CXADR: variants seen among roughly 807,000 people sequenced by gnomAD.
CXADR encodes CXADR cell adhesion molecule.
In CXADR, 20 loss-of-function variants were observed where a neutral mutation model predicts 40.3. That is an observed-to-expected ratio of 0.50 (90% CI 0.35 to 0.72). The LOEUF is 0.72. Ranked by LOEUF, CXADR falls within the 30% of genes least tolerant of loss-of-function variation. The pLI is 0.01. For synonymous variants in CXADR, 150 were observed against 161.3 expected, an observed-to-expected ratio of 0.93 and a Z score of 0.53; for missense variants, 332 against 449.1, an observed-to-expected ratio of 0.74 and a Z score of 2.36.
the CXADR span, among the ~76,000 whole-genome samples, chr21:17,599,649 T>TG: frequency 6.6e-6 from 1 of 152,012 alleles, no homozygotes; most frequent in Non-Finnish European, 1.5e-5. Context: ...CCAGCTAATT[T>TG]TTGTATTTTT....
chr21:17,593,266 GT>G, exon 8 of CXADR: 1 of 1,274,066 alleles, frequency 7.8e-7, no homozygotes. Flanking sequence ...AGACTTAAAT[GT>G]TTTTTAAAAA....
intron 1 of CXADR, chr21:17,518,540 A>G: frequency 2.0e-6 from 2 of 1,003,892 alleles, no homozygotes; most frequent in Non-Finnish European, 3.2e-6. Context: ...TCATTCTTTG[A>G]TGCCTCATCA....
At chr21:17,624,052 G>A in the CXADR span, among the ~76,000 whole-genome samples, 2 of 152,018 alleles carry the variant, frequency 1.3e-5, no homozygotes, top group Non-Finnish European at 2.9e-5. Context: ...ATCGTGTCAT[G>A]CCTCTGCCCC....
At chr21:17,582,243 C>T (rs1464800268) in intron 7 of CXADR, among the ~76,000 whole-genome samples, 3 of 152,268 alleles carry the variant, frequency 2.0e-5, no homozygotes, top group Admixed American at 2.0e-4. Context: ...AACTGCTAAC[C>T]GCAGGTGATG....
Position 17,513,094 on chromosome 21 carries a change from C to T in CXADR, c.-36C>T. On this transcript the variant is annotated 5_prime_UTR_variant, in exon 1 of 7. Coordinates refer to ENST00000284878, the MANE Select transcript of CXADR (RefSeq NM_001338.5). ...GCCTGGGACCAGGAGCGAGAGCCGC[C>T]TACCTGCAGCCGCCGCCCACGGCAC... 1 of 1,340,978 alleles carries T rather than the reference C, an allele frequency of 7.5e-7. No individual in the cohort carries two copies. The highest frequency in any genetic ancestry group is 9.6e-7 in the Non-Finnish European group (1 of 1,043,830). The allele number at this position is 1,340,978 out of a possible 1,614,324, so 83.1% of individuals were successfully genotyped here. A position where few individuals can be genotyped will look rare whatever the true frequency, so the allele number is the denominator to read the frequency against.
the CXADR span, chr21:17,608,679 T>G: frequency 3.3e-6 from 1 of 304,250 alleles, no homozygotes; most frequent in Non-Finnish European, 5.9e-6. Flanking sequence ...TGAAAATCCC[T>G]AAGTATTTGT....
rs538644141 is a variant in CXADR, at chr21:17,591,811, TTAA to T, written c.1018-1340_1018-1338del. On this transcript the variant is annotated intron_variant, in intron 7 of 7. Transcript: ENST00000400169. ...TTGGAGTTGTCTAAGGGAGACAAAC[TTAA>T]GAGAACAAAGCACCTAGAGTCATAA... Among the ~76,000 whole-genome samples, 1,313 of 152,002 alleles carry T rather than the reference TTAA, an allele frequency of 8.6e-3. 11 individuals are homozygous for T. Among genetic ancestry groups the T allele is most frequent in the Non-Finnish European group, 0.011 (736 of 67,880 alleles).
Position 17,568,264 on chromosome 21 carries a change from G to A in CXADR, c.*2572G>A. The A allele has an allele frequency of 6.1e-6, 5 of 823,746 alleles. No homozygotes were observed. Among genetic ancestry groups the A allele is most frequent in the Non-Finnish European group, 5.9e-6 (4 of 683,230 alleles). 51.0% of individuals were successfully genotyped at this position (823,746 alleles called of 1,614,324 possible). A position where few individuals can be genotyped will look rare whatever the true frequency, so the allele number is the denominator to read the frequency against. ...CTGCCTCAGCCTCCCGAGCAGCTGGGACTACAGGCTCCCATCACCACGCTC... is the reference window on the plus strand; with the variant it reads ...CTGCCTCAGCCTCCCGAGCAGCTGGAACTACAGGCTCCCATCACCACGCTC... On this transcript the variant is annotated 3_prime_UTR_variant, in exon 7 of 7. Transcript: ENST00000284878.
intron 1 of CXADR, among the ~76,000 whole-genome samples, chr21:17,542,783 T>C (rs570663468): frequency 6.6e-6 from 1 of 152,382 alleles, no homozygotes; most frequent in South Asian, 2.1e-4. Context: ...TGTTTCAACC[T>C]GCAAGTAGTT....
chr21:17,579,731 G>C (rs150008864), intron 7 of CXADR, among the ~76,000 whole-genome samples: 3 of 152,192 alleles, frequency 2.0e-5, no homozygotes, highest in African/African-American at 7.2e-5. Flanking sequence ...AACACAGAAA[G>C]CAGTCCTTGA....
rs572242379 is a variant in CXADR at position 17,518,230 on chromosome 21, A to G, written c.43+5058A>G. ...ACTGTATACACACATACCCACACACATACATAAGCAAACATACACCAAAAA... is the reference window on the plus strand; with the variant it reads ...ACTGTATACACACATACCCACACACGTACATAAGCAAACATACACCAAAAA... On this transcript the variant is annotated intron_variant, in intron 1 of 6. Transcript: ENST00000284878. Among the ~76,000 whole-genome samples, 27 of 152,286 alleles carry G rather than the reference A, an allele frequency of 1.8e-4. No individual in the cohort carries two copies. The East Asian group carries it at 4.6e-3, about 26-fold the overall frequency.
At chr21:17,553,001 C>T (rs933277303) in intron 3 of CXADR, among the ~76,000 whole-genome samples, 26 of 152,178 alleles carry the variant, frequency 1.7e-4, no homozygotes, top group African/African-American at 5.3e-4. Flanking sequence ...CTGCTCACTA[C>T]AGCCTCTGCT....
At chr21:17,513,615 G>C (rs1848764212) in intron 1 of CXADR, among the ~76,000 whole-genome samples, 1 of 152,226 alleles carries the variant, frequency 6.6e-6, no homozygotes, top group Non-Finnish European at 1.5e-5. Flanking sequence ...CCCAGGCGGG[G>C]AGGCTGAATT....
intron 1 of CXADR, among the ~76,000 whole-genome samples, chr21:17,537,742 A>C (rs2060777318): frequency 6.6e-6 from 1 of 152,086 alleles, no homozygotes; most frequent in African/African-American, 2.4e-5. Flanking sequence ...GTTGAATGCC[A>C]AGTGCCCAAA....
chr21:17,578,447 A>G (rs1419638952), intron 7 of CXADR, among the ~76,000 whole-genome samples: 4 of 152,388 alleles, frequency 2.6e-5, no homozygotes, highest in Non-Finnish European at 4.4e-5. Flanking sequence ...CGCAGGAACT[A>G]AGAAAACCCT....
chr21:17,562,133 A>C (rs117937128), intron 6 of CXADR, among the ~76,000 whole-genome samples: 1,487 of 123,352 alleles, frequency 0.012, 47 homozygotes, highest in East Asian at 0.089. Flanking sequence ...GTGTAAAAAA[A>C]CAGTGTAGAT....
intron 1 of CXADR, among the ~76,000 whole-genome samples, chr21:17,532,059 T>C (rs1415192050): frequency 6.6e-6 from 1 of 152,002 alleles, no homozygotes; most frequent in African/African-American, 2.4e-5. Context: ...GTCTCCGTAG[T>C]AGCTGGGACT....
At chr21:17,585,562 C>G (rs917751429) in intron 7 of CXADR, among the ~76,000 whole-genome samples, 1 of 152,018 alleles carries the variant, frequency 6.6e-6, no homozygotes, top group African/African-American at 2.4e-5. Flanking sequence ...TCTGTCGTCA[C>G]GCTGGAGTAC....
intron 1 of CXADR, among the ~76,000 whole-genome samples, chr21:17,534,110 T>TA (rs2060721630): frequency 1.3e-5 from 1 of 78,316 alleles, no homozygotes; most frequent in African/African-American, 3.7e-5. Flanking sequence ...ATTTTTTTTT[T>TA]TTTTTTTTTT....
Sources: allele counts gnomAD v4.1 joint callset (sites outside exome capture counted in the v4.1 genomes callset), GRCh38; gene constraint gnomAD v4.1.1; transcripts MANE v1.5; gene names NCBI Gene and HGNC (gene_info 2026-07-23, HGNC 2026-07-21).